The following RALGPS2 variants were observed in gnomAD, a reference collection of about 807,000 sequenced individuals.
RALGPS2 encodes Ral GEF with PH domain and SH3 binding motif 2, also known as ras-specific guanine nucleotide-releasing factor RalGPS2.
A neutral mutation model predicts 86.8 loss-of-function variants in RALGPS2; 43 were observed. That is an observed-to-expected ratio of 0.50 (90% CI 0.39 to 0.64). RALGPS2 has a LOEUF of 0.64. RALGPS2 is among the 30% of genes least tolerant of loss of function. The pLI, the probability that RALGPS2 is intolerant of heterozygous loss-of-function variation, is 0.00. For missense variants in RALGPS2, 536 were observed against 694.6 expected (o/e 0.77, Z 2.57); for synonymous variants, 243 against 231.3 (o/e 1.05, Z -0.46).
chr1:178,865,618 G>C (rs1275135263), intron 8 of RALGPS2: 3 of 1,613,990 alleles, frequency 1.9e-6, no homozygotes, highest in Middle Eastern at 1.6e-4. Flanking sequence ...CAGGTACCAG[G>C]AATGTGTATG....
intron 8 of RALGPS2, among the ~76,000 whole-genome samples, chr1:178,845,101 C>CA (rs769062978): frequency 0.064 from 5,423 of 85,118 alleles, 217 homozygotes; most frequent in African/African-American, 0.16. Flanking sequence ...GACTCCATCT[C>CA]AAAAAAAAAA....
intron 8 of RALGPS2, among the ~76,000 whole-genome samples, chr1:178,870,022 CATA>C (rs1259190460): frequency 1.3e-5 from 2 of 152,056 alleles, no homozygotes; most frequent in Non-Finnish European, 2.9e-5. Context: ...ATACCACTTA[CATA>C]ATGCTTTTGT....
At chr1:178,821,144 T>C (rs1266140175) in intron 6 of RALGPS2, among the ~76,000 whole-genome samples, 3 of 152,140 alleles carry the variant, frequency 2.0e-5, no homozygotes, top group Non-Finnish European at 2.9e-5. Flanking sequence ...TGAGAGGGAC[T>C]GTACTGTGAA....
intron 1 of RALGPS2, among the ~76,000 whole-genome samples, chr1:178,774,126 T>G (rs1358966674): frequency 6.6e-6 from 1 of 152,048 alleles, no homozygotes; most frequent in East Asian, 1.9e-4. Context: ...ATACCCAAAA[T>G]TAGCTGGGTG....
At chr1:178,836,423 G>A (rs1656276259) in intron 8 of RALGPS2, among the ~76,000 whole-genome samples, 1 of 151,934 alleles carries the variant, frequency 6.6e-6, no homozygotes, top group African/African-American at 2.4e-5. Flanking sequence ...TCATGATGTA[G>A]GATCTTACGT....
chr1:178,863,468 G>A (rs1658170107), intron 8 of RALGPS2, among the ~76,000 whole-genome samples: 1 of 152,204 alleles, frequency 6.6e-6, no homozygotes, highest in South Asian at 2.1e-4. Flanking sequence ...AAGCCACCTA[G>A]GTGTGTTTGT....
rs1329252038 is a variant in RALGPS2 at position 178,897,724 on chromosome 1, G to T, written c.1492G>T (p.Ala498Ser). The T allele has an allele frequency of 6.2e-7, 1 of 1,612,456 alleles. No homozygotes were observed. Among genetic ancestry groups the T allele is most frequent in the Non-Finnish European group, 8.5e-7 (1 of 1,178,978 alleles). Residue 498 changes from alanine to serine, a missense_variant, in exon 17 of 20, where the codon GCC becomes TCC. Ala to Ser is a moderately conservative substitution (Grantham distance 99). Coordinates refer to ENST00000367635, the MANE Select transcript of RALGPS2 (RefSeq NM_152663.5). ...TGGGACACAGCTTTTTTACTATGCT[G>T]CCAAATCTCTAAAGGCTACCGAAAG... ...LCGTQLFYYA[A>S]KSLKATERKH...
intron 8 of RALGPS2, chr1:178,852,756 A>G (rs1180759705): frequency 1.9e-6 from 3 of 1,613,752 alleles, no homozygotes; most frequent in South Asian, 2.2e-5. Context: ...AATCCCCTGC[A>G]TTTCCCTGGT....
chr1:178,727,917 C>G (rs1344615231), intron 1 of RALGPS2, among the ~76,000 whole-genome samples: 1 of 152,124 alleles, frequency 6.6e-6, no homozygotes, highest in Non-Finnish European at 1.5e-5. Flanking sequence ...GTAGAAACTC[C>G]TCTGATAACT....
chr1:178,759,260 T>C (rs1246566896), intron 1 of RALGPS2, among the ~76,000 whole-genome samples: 1 of 152,142 alleles, frequency 6.6e-6, no homozygotes, highest in East Asian at 1.9e-4. Context: ...AGGTGAGAGT[T>C]AGGGGTCTAG....
At chr1:178,747,182 C>T (rs554871833) in intron 1 of RALGPS2, 80 of 1,092,668 alleles carry the variant, frequency 7.3e-5, no homozygotes, top group African/African-American at 1.1e-4. Flanking sequence ...GGTGCTGGAG[C>T]GTCCAGTGCC....
intron 2 of RALGPS2, among the ~76,000 whole-genome samples, chr1:178,778,749 A>G (rs958600131): frequency 3.3e-5 from 5 of 149,372 alleles, no homozygotes; most frequent in African/African-American, 9.9e-5. Context: ...TTGTAGGGAC[A>G]TGGATGAAAT....
At chr1:178,779,346 ATATTTCT>A (rs1167020580) in intron 2 of RALGPS2, among the ~76,000 whole-genome samples, 6 of 152,228 alleles carry the variant, frequency 3.9e-5, no homozygotes, top group Non-Finnish European at 7.4e-5. Flanking sequence ...TCTGGCTTCT[ATATTTCT>A]TATTTTTCTC....
rs183393620 is a variant in RALGPS2, at chr1:178,914,375, G to T, written c.1723-1955G>T. Among the ~76,000 whole-genome samples, 190 of 152,216 alleles carry T rather than the reference G, an allele frequency of 1.2e-3. 2 individuals carry two copies. Among genetic ancestry groups the T allele is most frequent in the African/African-American group, 4.2e-3 (174 of 41,526 alleles). On this transcript the variant is annotated intron_variant, in intron 19 of 19. Coordinates refer to ENST00000367635, the MANE Select transcript of RALGPS2 (RefSeq NM_152663.5). ...TGCCACTAGGATCCCAGCGGTTTGT[G>T]GTGAGAGTGGGCCATTCCACAGTTA...
intron 19 of RALGPS2, among the ~76,000 whole-genome samples, chr1:178,908,883 C>G (rs1201315330): frequency 6.6e-6 from 1 of 152,124 alleles, no homozygotes; most frequent in Non-Finnish European, 1.5e-5. Flanking sequence ...CTGATAGTTT[C>G]TTTTGCTCTG....
chr1:178,869,884 A>G (rs1201678515), intron 8 of RALGPS2, among the ~76,000 whole-genome samples: 1 of 152,096 alleles, frequency 6.6e-6, no homozygotes, highest in Non-Finnish European at 1.5e-5. Flanking sequence ...AAAAGCTCCC[A>G]GATAGAATAT....
chr1:178,738,548 A>C (rs1650851786), intron 1 of RALGPS2, among the ~76,000 whole-genome samples: 1 of 152,174 alleles, frequency 6.6e-6, no homozygotes, highest in African/African-American at 2.4e-5. Context: ...AAGGAATGTG[A>C]ATGTCAAAAC....
At chr1:178,874,639 T>TAAG (rs1188678239) in intron 8 of RALGPS2, among the ~76,000 whole-genome samples, 2 of 152,228 alleles carry the variant, frequency 1.3e-5, no homozygotes, top group African/African-American at 4.8e-5. Flanking sequence ...TTATATCTTC[T>TAAG]ATTGCTGTTA....
intron 19 of RALGPS2, among the ~76,000 whole-genome samples, chr1:178,911,142 C>G (rs1288591246): frequency 6.6e-6 from 1 of 152,012 alleles, no homozygotes; most frequent in Non-Finnish European, 1.5e-5. Flanking sequence ...GATCTTTTCT[C>G]TTGTTTTATT....
Sources: gnomAD v4.1 joint callset for allele counts (sites outside exome capture counted in the v4.1 genomes callset) on GRCh38, gnomAD v4.1.1 for gene constraint, MANE v1.5 for transcripts, NCBI Gene and HGNC (gene_info 2026-07-23, HGNC 2026-07-21) for gene names.